The following CSMD1 variants were observed in gnomAD, a reference collection of about 807,000 sequenced individuals.
CSMD1 encodes CUB and sushi domain-containing protein 1.
In CSMD1, 213 loss-of-function variants were observed where a neutral mutation model predicts 417.5. The observed-to-expected ratio is 0.51, with a 90% CI of 0.46 to 0.57. CSMD1 has a LOEUF of 0.57. CSMD1 is among the 20% of genes least tolerant of loss of function. The pLI, the probability that CSMD1 is intolerant of heterozygous loss-of-function variation, is 0.00. For missense variants in CSMD1, 6,923 were observed against 4,529.7 expected (o/e 1.53, Z -15.17); for synonymous variants, 2,862 against 1,736.8 (o/e 1.65, Z -16.11).
chr8:4,456,901 G>T (rs754044120), intron 2 of CSMD1, among the ~76,000 whole-genome samples: 1 of 150,726 alleles, frequency 6.6e-6, no homozygotes, highest in Non-Finnish European at 1.5e-5. Flanking sequence ...CGTATTTGAA[G>T]CCAGTTTCCA....
At chr8:4,641,900 C>G (rs916571953) in intron 1 of CSMD1, among the ~76,000 whole-genome samples, 1 of 152,174 alleles carries the variant, frequency 6.6e-6, no homozygotes, top group Non-Finnish European at 1.5e-5. Flanking sequence ...AAACATCACT[C>G]ATAGTCTTAT....
intron 10 of CSMD1, among the ~76,000 whole-genome samples, chr8:3,552,525 T>C (rs1199834897): frequency 1.3e-5 from 2 of 152,156 alleles, no homozygotes; most frequent in African/African-American, 2.4e-5. Flanking sequence ...GACTCAAAAG[T>C]TTTTTTGAAT....
intron 3 of CSMD1, among the ~76,000 whole-genome samples, chr8:4,378,561 T>C (rs75308159): frequency 0.07 from 10,713 of 152,278 alleles, 1,017 homozygotes; most frequent in African/African-American, 0.21. Context: ...CTTTTAGCTT[T>C]GCACTGGTCT....
At chr8:4,720,930 A>G (rs1260895258) in intron 1 of CSMD1, among the ~76,000 whole-genome samples, 2 of 152,162 alleles carry the variant, frequency 1.3e-5, no homozygotes, top group Non-Finnish European at 2.9e-5. Context: ...ACTTTCGTGA[A>G]TCTACAATTC....
intron 26 of CSMD1, among the ~76,000 whole-genome samples, chr8:3,261,747 G>C (rs1188322600): frequency 6.6e-6 from 1 of 152,056 alleles, no homozygotes. Flanking sequence ...AGGCCAGTCC[G>C]AGAGACGACA....
chr8:3,448,926 T>G (rs73660014), intron 12 of CSMD1, among the ~76,000 whole-genome samples: 12,114 of 152,242 alleles, frequency 0.08, 1,150 homozygotes, highest in African/African-American at 0.21. Context: ...ATGAGCCACC[T>G]TCCCCCAAGA....
At chr8:3,032,207 G>A (rs1265171219) in intron 50 of CSMD1, among the ~76,000 whole-genome samples, 2 of 151,808 alleles carry the variant, frequency 1.3e-5, no homozygotes, top group Admixed American at 6.6e-5. Flanking sequence ...AGAAATTTGT[G>A]CAAATTATCA....
intron 21 of CSMD1, among the ~76,000 whole-genome samples, chr8:3,358,021 C>A (rs1225957076): frequency 6.6e-6 from 1 of 152,012 alleles, no homozygotes; most frequent in Non-Finnish European, 1.5e-5. Flanking sequence ...ACATAATATC[C>A]CTAAGCAACC....
intron 2 of CSMD1, among the ~76,000 whole-genome samples, chr8:4,443,901 T>C (rs981429779): frequency 6.6e-6 from 1 of 152,200 alleles, no homozygotes; most frequent in East Asian, 1.9e-4. Context: ...TCATCACATC[T>C]ACAGGAGTCC....
At chr8:3,544,776 G>A (rs1244592707) in intron 10 of CSMD1, among the ~76,000 whole-genome samples, 1 of 152,074 alleles carries the variant, frequency 6.6e-6, no homozygotes, top group Non-Finnish European at 1.5e-5. Flanking sequence ...TCTTAGAAAT[G>A]TTGTTTGCTT....
At chr8:4,655,874 C>T (rs779235692) in intron 1 of CSMD1, among the ~76,000 whole-genome samples, 4 of 152,102 alleles carry the variant, frequency 2.6e-5, no homozygotes, top group Non-Finnish European at 4.4e-5. Flanking sequence ...AAGCATGTTT[C>T]ATTATTCATC....
chr8:4,084,213 T>C (rs1044358520), intron 3 of CSMD1, among the ~76,000 whole-genome samples: 8 of 152,066 alleles, frequency 5.3e-5, no homozygotes, highest in East Asian at 1.9e-4. Flanking sequence ...TTTCAGTTAG[T>C]TTTACTCTGT....
chr8:4,198,166 C>G (rs1799446430), intron 3 of CSMD1, among the ~76,000 whole-genome samples: 1 of 152,190 alleles, frequency 6.6e-6, no homozygotes, highest in African/African-American at 2.4e-5. Context: ...AGTCCCGAAG[C>G]ATGATCAGGG....
rs1465596876 is a variant in CSMD1, at chr8:2,998,096, G to A, written c.8292C>T (p.Cys2764=). The part of the protein sequence containing the change: ...FNLNDVVNFT[C]NTGYLLQGVS... ...CGCCCTGCAGCAAATAGCCCGTGTT[G>A]CAGGTGAAATTCACGACATCATTCA... is the stretch of plus-strand genomic sequence containing the variant. The change falls in exon 54 of 70, where the codon TGC becomes TGT. Residue 2764 remains cysteine (C), a synonymous_variant. Transcript: ENST00000635120. The A allele has an allele frequency of 4.3e-6, 7 of 1,613,908 alleles. No homozygotes were observed. The highest frequency in any genetic ancestry group is 5.9e-6 in the Non-Finnish European group (7 of 1,179,894).
intron 5 of CSMD1, among the ~76,000 whole-genome samples, chr8:3,799,881 T>C (rs775633561): frequency 2.0e-5 from 3 of 152,174 alleles, no homozygotes; most frequent in Non-Finnish European, 2.9e-5. Context: ...GCTACATTGC[T>C]GACTTGCTAT....
intron 11 of CSMD1, among the ~76,000 whole-genome samples, chr8:3,483,815 T>G (rs1352618134): frequency 2.0e-5 from 3 of 152,174 alleles, no homozygotes; most frequent in African/African-American, 7.2e-5. Flanking sequence ...TTATTCCATT[T>G]TATGAAAGGC....
intron 65 of CSMD1, 137 bp from the exon 66 acceptor site, chr8:2,951,412 G>A: frequency 1.2e-6 from 1 of 849,248 alleles, no homozygotes; most frequent in Middle Eastern, 2.4e-4. Context: ...GAGGAGCCTA[G>A]TGCATCGCTG....
intron 7 of CSMD1, among the ~76,000 whole-genome samples, chr8:3,664,774 C>T (rs935654772): frequency 4.6e-5 from 7 of 152,160 alleles, no homozygotes; most frequent in African/African-American, 1.7e-4. Context: ...AGAGTACATC[C>T]TGACACTGGT....
chr8:3,960,160 A>T (rs1229485141), intron 5 of CSMD1, among the ~76,000 whole-genome samples: 1 of 152,190 alleles, frequency 6.6e-6, no homozygotes, highest in Non-Finnish European at 1.5e-5. Context: ...TTTACAGCGT[A>T]TCTTCTTGTA....
Sources: allele counts gnomAD v4.1 joint callset (sites outside exome capture counted in the v4.1 genomes callset), GRCh38; gene constraint gnomAD v4.1.1; transcripts MANE v1.5; gene names NCBI Gene and HGNC (gene_info 2026-07-23, HGNC 2026-07-21).